Variants in TGM1 observed in about 807,000 individuals in gnomAD.
TGM1 encodes transglutaminase 1.
Under a neutral mutation model 88.7 loss-of-function variants are expected in TGM1, and 63 were observed. That is an observed-to-expected ratio of 0.71 (90% CI 0.58 to 0.88). The LOEUF (loss-of-function observed/expected upper bound fraction) is 0.88, where lower values mean the gene tolerates loss of function less well. TGM1 is among the 40% of genes least tolerant of loss of function. The pLI, the probability that TGM1 is intolerant of heterozygous loss-of-function variation, is 0.00. For synonymous variants in TGM1, 415 were observed against 431.1 expected (o/e 0.96, Z 0.46); for missense variants, 996 against 1,118.0 (o/e 0.89, Z 1.56).
At chr14:24,258,807 G>T in intron 7 of TGM1, 134 bp from the exon 8 acceptor site, 1 of 1,352,504 alleles carries the variant, frequency 7.4e-7, no homozygotes, top group Non-Finnish European at 1.0e-6. Flanking sequence ...GGGCCACGGG[G>T]GCCACAAGGC....
In TGM1 at chr14:24,258,647, G is replaced by A. The variant is rs543521135; in HGVS notation, c.1186C>T (p.Arg396Cys). Residue 396 changes from arginine to cysteine, a missense_variant, in exon 8 of 15, where the codon CGT becomes TGT. Arg to Cys is a radical substitution (Grantham distance 180). Transcript: ENST00000206765. ...GCGGAGTTGAAGTTGGTGACAGTACGGGTGGCCAGACCCAGGCAGCGCAGC... is the reference window on the plus strand; with the variant it reads ...GCGGAGTTGAAGTTGGTGACAGTACAGGTGGCCAGACCCAGGCAGCGCAGC... ...TVLRCLGLAT[R>C]TVTNFNSAHD... The A allele has an allele frequency of 8.1e-6, 13 of 1,614,222 alleles. No individual in the cohort carries two copies. Among genetic ancestry groups the A allele is most frequent in the South Asian group, 5.5e-5 (5 of 91,080 alleles).
chr14:24,256,167 C>G, intron 9 of TGM1, 90 bp from the exon 10 acceptor site: 1 of 1,119,914 alleles, frequency 8.9e-7, no homozygotes, highest in Non-Finnish European at 1.3e-6. Context: ...GGGCCCCAGC[C>G]CCACCCACTC....
Position 24,254,760 on chromosome 14 carries a change from G to C in TGM1, c.1992C>G (p.Ala664=). The C allele has an allele frequency of 6.2e-7, 1 of 1,614,046 alleles. No homozygotes were observed. The highest frequency in any genetic ancestry group is 1.1e-5 in the South Asian group (1 of 91,090). The change falls in exon 13 of 15, where the codon GCC becomes GCG. Residue 664 remains alanine (A), a synonymous_variant. Coordinates refer to ENST00000206765, the MANE Select transcript of TGM1 (RefSeq NM_000359.3). ...CGTGGCCTGAGACATTGAGCAGCAT[G>C]GCCCCCTGGTCCACAAGATGGGGCC... The part of the protein sequence containing the change: ...EYRPHLVDQG[A]MLLNVSGHVK...
chr14:24,249,947 A>G (rs1461618673), intron 14 of TGM1, among the ~76,000 whole-genome samples: 1 of 152,190 alleles, frequency 6.6e-6, no homozygotes, highest in African/African-American at 2.4e-5. Flanking sequence ...GGCCCAACAC[A>G]ATATTTTCAA....
At position 24,262,327 on chromosome 14, in the gene TGM1, A is replaced by C. The variant is rs267603965; in HGVS notation, c.26T>G (p.Val9Gly). 6 of 1,613,626 alleles carry C rather than the reference A, an allele frequency of 3.7e-6. No homozygotes were observed. In the South Asian group the frequency reaches 5.5e-5, roughly 15 times the overall value. MMDGPRSD[V>G]GRWGGNPLQP... is the part of the protein sequence containing the mutation. The stretch of plus-strand genomic sequence containing the variant: ...CAAGGGGTTGCCACCCCAACGGCCC[A>C]CATCGGAACGTGGCCCATCCATCAT... The change falls in exon 2 of 15, where the codon GTG (valine) becomes GGG (glycine). Residue 9 changes from valine (V) to glycine (G), a missense_variant. Val to Gly is a moderately radical substitution (Grantham distance 109). Coordinates refer to ENST00000206765, the MANE Select transcript of TGM1 (RefSeq NM_000359.3).
At chr14:24,258,789 C>A in intron 7 of TGM1, 116 bp from the exon 8 acceptor site, 5 of 1,477,132 alleles carry the variant, frequency 3.4e-6, no homozygotes, top group Non-Finnish European at 4.6e-6. Flanking sequence ...CATAGACTGC[C>A]AGGGTCAGGG....
intron 14 of TGM1, among the ~76,000 whole-genome samples, chr14:24,252,189 C>G (rs1445244580): frequency 1.3e-5 from 2 of 152,178 alleles, no homozygotes; most frequent in South Asian, 4.1e-4. Context: ...GAGATGTCCC[C>G]CTGGAGGCTC....
chr14:24,257,694 G>A (rs1339195389), intron 9 of TGM1, among the ~76,000 whole-genome samples: 1 of 152,140 alleles, frequency 6.6e-6, no homozygotes, highest in African/African-American at 2.4e-5. Context: ...CCGGCTGATC[G>A]TCAGAATCAC....
rs971206279 is a variant in TGM1 at position 24,255,601 on chromosome 14, A to T, written c.1492-84T>A. On this transcript the variant is annotated intron_variant, in intron 10 of 14. Coordinates refer to ENST00000206765, the MANE Select transcript of TGM1 (RefSeq NM_000359.3). The surrounding 1 kb of genome is among the most constrained non-coding windows in gnomAD (Gnocchi z 4.0). ...CTCCCGGCCTCCTTCCCCTGATCCCAGGAGCTATGGGACAGGGCTTGGTCC... is the reference window on the plus strand; with the variant it reads ...CTCCCGGCCTCCTTCCCCTGATCCCTGGAGCTATGGGACAGGGCTTGGTCC... 57 of 1,571,144 alleles carry T rather than the reference A, an allele frequency of 3.6e-5. No homozygotes were observed. The highest frequency in any genetic ancestry group is 4.9e-5 in the Non-Finnish European group (56 of 1,149,324).
intron 14 of TGM1, among the ~76,000 whole-genome samples, chr14:24,250,896 T>C (rs925261673): frequency 6.6e-6 from 1 of 152,220 alleles, no homozygotes; most frequent in Non-Finnish European, 1.5e-5. Context: ...TTTCCAGACA[T>C]AGAACCTGTG....
chr14:24,254,583 G>A (rs1379291960), intron 13 of TGM1, 81 bp downstream of exon 13: 98 of 1,604,474 alleles, frequency 6.1e-5, no homozygotes, highest in Non-Finnish European at 2.6e-6. Flanking sequence ...CCTGCTGCTG[G>A]CTTAGCGCCC....
chr14:24,249,373 G>T lies in TGM1; in HGVS notation c.2394C>A (p.Asp798Glu). 6.2e-7 allele frequency: 1 copy of T among 1,614,008 alleles called. No homozygotes were observed. Among genetic ancestry groups the T allele is most frequent in the African/African-American group, 1.3e-5 (1 of 74,994 alleles). The change falls in exon 15 of 15, where the codon GAC becomes GAA. Residue 798 changes from aspartate to glutamate, a missense_variant. Asp to Glu is a conservative substitution (Grantham distance 45). Coordinates refer to ENST00000206765, the MANE Select transcript of TGM1 (RefSeq NM_000359.3). ...CTCCTAAGTGACTGTCACCTCCAGC[G>T]TCTGAGAAGAAGCCCCCATCCCCAG... ...PAPGDGGFFS[D>E]AGGDSHLGET...
intron 13 of TGM1, 28 bp from the exon 14 acceptor site, chr14:24,254,316 C>A (rs375889153): frequency 6.2e-7 from 1 of 1,613,818 alleles, no homozygotes; most frequent in East Asian, 2.2e-5. Context: ...CCATCCCCCA[C>A]GTCAGAGACC....
chr14:24,252,932 G>C (rs1192723657), intron 14 of TGM1, among the ~76,000 whole-genome samples: 1 of 152,210 alleles, frequency 6.6e-6, no homozygotes, highest in Non-Finnish European at 1.5e-5. Context: ...GTGTAAGTCT[G>C]TATCAAAGAT....
intron 9 of TGM1, among the ~76,000 whole-genome samples, chr14:24,257,282 A>G (rs1297951216): frequency 6.6e-6 from 1 of 152,208 alleles, no homozygotes; most frequent in Non-Finnish European, 1.5e-5. Context: ...GAGGCTGGAC[A>G]GAAGGTAGCT....
rs1490834121 is a variant in TGM1 at position 24,249,136 on chromosome 14, G to T, written c.*177C>A. The T allele has an allele frequency of 1.0e-5, 7 of 678,958 alleles. No individual in the cohort carries two copies. The highest frequency in any genetic ancestry group is 1.8e-5 in the African/African-American group (1 of 55,968). 42.1% of individuals were successfully genotyped at this position (678,958 alleles called of 1,614,324 possible). ...AGCTTCATTAAAAAACAGTTTATTAGCATCTGTTCCCCCAGTGCAAGTGAA... is the reference window on the plus strand; with the variant it reads ...AGCTTCATTAAAAAACAGTTTATTATCATCTGTTCCCCCAGTGCAAGTGAA... On this transcript the variant is annotated 3_prime_UTR_variant, in exon 15 of 15. Transcript: ENST00000206765.
At position 24,249,266 on chromosome 14, in the gene TGM1, A is replaced by G. The variant is rs2040678708; in HGVS notation, c.*47T>C. 1.1e-5 allele frequency: 17 copies of G among 1,573,906 alleles called. No individual in the cohort carries two copies. Among genetic ancestry groups the G allele is most frequent in the Non-Finnish European group, 1.4e-5 (16 of 1,149,124 alleles). On this transcript the variant is annotated 3_prime_UTR_variant, in exon 15 of 15. Coordinates refer to ENST00000206765, the MANE Select transcript of TGM1 (RefSeq NM_000359.3). Reference sequence around the variant, plus strand: ...CTGTAGTGTGCCCCTATCTTGGGGCAATGTCCTTGCTCATCTGACTCCAGT... The same window carrying G: ...CTGTAGTGTGCCCCTATCTTGGGGCGATGTCCTTGCTCATCTGACTCCAGT...
At chr14:24,251,665 G>A (rs2040702170) in intron 14 of TGM1, among the ~76,000 whole-genome samples, 3 of 152,156 alleles carry the variant, frequency 2.0e-5, no homozygotes, top group African/African-American at 7.2e-5. Context: ...CGTATTGCCT[G>A]GGCTTGAAAC....
At chr14:24,258,109 G>A (rs41293798) in intron 9 of TGM1, among the ~76,000 whole-genome samples, 176 bp downstream of exon 9, 3 of 152,180 alleles carry the variant, frequency 2.0e-5, no homozygotes, top group African/African-American at 7.2e-5. Flanking sequence ...GAGTTATATA[G>A]AATGGTAAAA....
Sources: allele counts gnomAD v4.1 joint callset (sites outside exome capture counted in the v4.1 genomes callset), GRCh38; gene constraint gnomAD v4.1.1; non-coding constraint Gnocchi (gnomAD v3.1); transcripts MANE v1.5; gene names NCBI Gene and HGNC (gene_info 2026-07-23, HGNC 2026-07-21).